The following TCEA3 variants were observed in gnomAD, a reference collection of about 807,000 sequenced individuals.
The protein encoded by TCEA3 is transcription elongation factor A protein 3.
A neutral mutation model predicts 44.0 loss-of-function variants in TCEA3; 36 were observed. That is an observed-to-expected ratio of 0.82 (90% confidence interval 0.63 to 1.08). The LOEUF (loss-of-function observed/expected upper bound fraction) is 1.08. Among genes scored for constraint, TCEA3 ranks in the 50% least tolerant of loss-of-function variants. TCEA3 has a pLI of 0.00. For missense variants in TCEA3, 392 were observed against 441.2 expected, an observed-to-expected ratio of 0.89 and a Z score of 1.00; for synonymous variants, 162 against 159.7, an observed-to-expected ratio of 1.01 and a Z score of -0.11.
At chr1:23,408,811 A>C in intron 4 of TCEA3, 85 bp from the exon 5 acceptor site, 1 of 1,357,792 alleles carries the variant, frequency 7.4e-7, no homozygotes, top group Non-Finnish European at 1.0e-6. Flanking sequence ...ATCCTGGGAA[A>C]AGGCCAGCTG....
intron 4 of TCEA3, chr1:23,412,051 C>G (rs1351537527): frequency 6.6e-6 from 1 of 152,296 alleles, no homozygotes; most frequent in African/African-American, 2.4e-5. Flanking sequence ...CTTAAATAAA[C>G]AACCCTCCTG....
At chr1:23,398,591 T>C (rs1333676013) in intron 5 of TCEA3, among the ~76,000 whole-genome samples, 3 of 152,286 alleles carry the variant, frequency 2.0e-5, no homozygotes, top group Middle Eastern at 3.4e-3. Context: ...TTTAAAAGAA[T>C]TTTCCAATTT....
intron 5 of TCEA3, among the ~76,000 whole-genome samples, chr1:23,404,795 C>A (rs1387061425): frequency 6.7e-6 from 1 of 149,854 alleles, no homozygotes; most frequent in Non-Finnish European, 1.5e-5. Flanking sequence ...TCTGTCTCTA[C>A]AAAAAAAAAA....
intron 4 of TCEA3, among the ~76,000 whole-genome samples, chr1:23,412,399 CAAA>C (rs1267820171): frequency 5.4e-5 from 3 of 55,606 alleles, no homozygotes; most frequent in Admixed American, 2.1e-4. Flanking sequence ...GACTCTGTCT[CAAA>C]AAAAAAAAAA....
At position 23,393,863 on chromosome 1, in the gene TCEA3, G is replaced by A. The variant is rs758779752; in HGVS notation, c.819+16C>T. The A allele has an allele frequency of 4.3e-6, 7 of 1,611,054 alleles. No homozygotes were observed. Among genetic ancestry groups the A allele is most frequent in the Non-Finnish European group, 5.9e-6 (7 of 1,178,908 alleles). The stretch of plus-strand genomic sequence containing the variant: ...ACCTGGCTTCCTGCCTCACCATGCA[G>A]ATGCCCTGCTCTCACCTCTGCCGTC... On this transcript the variant is annotated intron_variant, in intron 8 of 10. Coordinates refer to ENST00000450454, the MANE Select transcript of TCEA3 (RefSeq NM_003196.3).
In TCEA3 at chr1:23,388,394, C is replaced by T. The variant is rs1168958141; in HGVS notation, c.820-975G>A. Among the ~76,000 whole-genome samples the T allele has an allele frequency of 4.6e-5, 7 of 151,938 alleles. No individual in the cohort carries two copies. In the East Asian group the frequency reaches 1.4e-3, roughly 29 times the overall value. On this transcript the variant is annotated intron_variant, in intron 8 of 10. Coordinates refer to ENST00000450454, the MANE Select transcript of TCEA3 (RefSeq NM_003196.3). ...TGTATTTTTAGTAGAGACGGGGTTT[C>T]ACCATATTGGCCAGGATGGTCTCGA...
chr1:23,415,356 G>C (rs545161733), intron 4 of TCEA3, among the ~76,000 whole-genome samples: 1 of 152,266 alleles, frequency 6.6e-6, no homozygotes, highest in East Asian at 1.9e-4. Flanking sequence ...CTTGGGGATG[G>C]AGCAAACAAA....
chr1:23,392,328 A>G (rs1487700876), intron 8 of TCEA3, among the ~76,000 whole-genome samples: 1 of 88,616 alleles, frequency 1.1e-5, no homozygotes, highest in Non-Finnish European at 2.5e-5. Context: ...CACATACTTC[A>G]CATGACATCA....
intron 8 of TCEA3, among the ~76,000 whole-genome samples, chr1:23,391,148 C>CTTTTTT (rs59905045): frequency 7.9e-5 from 10 of 126,388 alleles, no homozygotes; most frequent in Non-Finnish European, 1.3e-4. Context: ...TTCTTTCTTT[C>CTTTTTT]TTTTTTTTTT....
intron 10 of TCEA3, among the ~76,000 whole-genome samples, chr1:23,383,172 CA>C (rs1367831877): frequency 2.0e-5 from 3 of 151,118 alleles, no homozygotes; most frequent in African/African-American, 7.3e-5. Flanking sequence ...CCCAGCTACT[CA>C]GGAGGCTGAG....
At chr1:23,386,392 C>T (rs552752773) in intron 9 of TCEA3, among the ~76,000 whole-genome samples, 18 of 152,184 alleles carry the variant, frequency 1.2e-4, no homozygotes, top group African/African-American at 4.1e-4. Flanking sequence ...CACACACTAC[C>T]AAGCCTGGCT....
chr1:23,414,535 G>A (rs1639832367), intron 4 of TCEA3, among the ~76,000 whole-genome samples: 1 of 151,916 alleles, frequency 6.6e-6, no homozygotes, highest in Non-Finnish European at 1.5e-5. Context: ...CTGAGTAGCT[G>A]GGATTACGGG....
chr1:23,393,355 C>T (rs147981741), intron 8 of TCEA3, among the ~76,000 whole-genome samples: 1 of 152,112 alleles, frequency 6.6e-6, no homozygotes, highest in Non-Finnish European at 1.5e-5. Flanking sequence ...ACCATACGCA[C>T]ATGCTCCATA....
intron 4 of TCEA3, among the ~76,000 whole-genome samples, chr1:23,408,993 GT>G (rs1184601100): frequency 1.3e-4 from 20 of 152,310 alleles, no homozygotes; most frequent in Non-Finnish European, 2.5e-4. Context: ...CATGGGTTGT[GT>G]TGCTCATTAT....
chr1:23,400,901 T>C (rs1433758962), intron 5 of TCEA3, among the ~76,000 whole-genome samples: 3 of 152,164 alleles, frequency 2.0e-5, no homozygotes, highest in East Asian at 3.8e-4. Context: ...GGGGCCTGGA[T>C]CCACAGCTGC....
At chr1:23,423,933 C>T (rs1640138955) in intron 1 of TCEA3, 1 of 451,316 alleles carries the variant, frequency 2.2e-6, no homozygotes, top group South Asian at 1.6e-5. Flanking sequence ...CTTCCCCCGC[C>T]CCGCGGGCCC....
chr1:23,413,439 T>G (rs1258051956), intron 4 of TCEA3, among the ~76,000 whole-genome samples: 1 of 151,714 alleles, frequency 6.6e-6, no homozygotes, highest in Non-Finnish European at 1.5e-5. Context: ...ATATGTATGT[T>G]CTTTTTGTTT....
intron 8 of TCEA3, 135 bp downstream of exon 8, chr1:23,393,744 G>T (rs1405019506): frequency 1.5e-5 from 17 of 1,171,654 alleles, no homozygotes; most frequent in Non-Finnish European, 2.0e-5. Flanking sequence ...GAGCCCAGGG[G>T]GGAGGCTGAG....
intron 8 of TCEA3, among the ~76,000 whole-genome samples, chr1:23,388,141 G>A (rs1281018267): frequency 6.6e-6 from 1 of 152,028 alleles, no homozygotes; most frequent in Non-Finnish European, 1.5e-5. Flanking sequence ...CTCCAGTTAA[G>A]GGTTGGTGGA....
Sources: gnomAD v4.1 joint callset for allele counts (sites outside exome capture counted in the v4.1 genomes callset) on GRCh38, gnomAD v4.1.1 for gene constraint, MANE v1.5 for transcripts, NCBI Gene and HGNC (gene_info 2026-07-23, HGNC 2026-07-21) for gene names.